Variants in USP37 observed in about 807,000 individuals in gnomAD.
The protein encoded by USP37 is ubiquitin carboxyl-terminal hydrolase 37.
Under a neutral mutation model 124.0 loss-of-function variants are expected in USP37, and 27 were observed. The ratio of observed to expected loss-of-function variants is 0.22; its 90% confidence interval spans 0.16 to 0.30. The LOEUF (loss-of-function observed/expected upper bound fraction) is 0.30, where lower values mean the gene tolerates loss of function less well. Ranked by LOEUF, USP37 falls within the 10% of genes least tolerant of loss-of-function variation. The pLI, the probability that USP37 is intolerant of heterozygous loss-of-function variation, is 1.00. For missense variants in USP37, 889 were observed against 1,140.4 expected (o/e 0.78, Z 3.17); for synonymous variants, 365 against 388.0 (o/e 0.94, Z 0.70).
intron 8 of USP37, among the ~76,000 whole-genome samples, 166 bp downstream of exon 8, chr2:218,546,055 C>G (rs1692302822): frequency 6.6e-6 from 1 of 152,162 alleles, no homozygotes; most frequent in African/African-American, 2.4e-5. Context: ...TAATTTCCCT[C>G]TCTATTGAGC....
At chr2:218,548,134 C>T (rs1184675292) in intron 6 of USP37, among the ~76,000 whole-genome samples, 2 of 152,070 alleles carry the variant, frequency 1.3e-5, no homozygotes, top group Non-Finnish European at 2.9e-5. Flanking sequence ...ATATTAGAAG[C>T]CACAGACCAA....
intron 1 of USP37, among the ~76,000 whole-genome samples, chr2:218,564,653 G>C (rs1693488262): frequency 6.6e-6 from 1 of 152,118 alleles, no homozygotes; most frequent in Non-Finnish European, 1.5e-5. Context: ...GGTGGGAGTG[G>C]GGGGTAGAGG....
Position 218,482,092 on chromosome 2 carries a change from C to A in USP37, c.1813G>T (p.Gly605Cys). The A allele has an allele frequency of 6.2e-7, 1 of 1,612,064 alleles. No individual in the cohort carries two copies. Among genetic ancestry groups the A allele is most frequent in the Non-Finnish European group, 8.5e-7 (1 of 1,178,752 alleles). Residue 605 changes from glycine (G) to cysteine (C), a missense_variant, in exon 17 of 26, where the codon GGT becomes TGT. By Grantham distance (159) the Gly-to-Cys change is radical. Coordinates refer to ENST00000258399, the MANE Select transcript of USP37 (RefSeq NM_020935.3). ...TENTKPPFTL[G>C]WSAHMAISRP... ...TACATTGCCATATGTGCACTCCAACCAAGGGTAAAAGGTGGTTTTGTATTT... is the reference window on the plus strand; with the variant it reads ...TACATTGCCATATGTGCACTCCAACAAAGGGTAAAAGGTGGTTTTGTATTT...
At chr2:218,563,459 C>A (rs537579360) in intron 1 of USP37, among the ~76,000 whole-genome samples, 1 of 152,298 alleles carries the variant, frequency 6.6e-6, no homozygotes, top group South Asian at 2.1e-4. Flanking sequence ...AACATTGTTA[C>A]ATAATAATGT....
At chr2:218,493,371 G>A (rs979479802) in intron 14 of USP37, among the ~76,000 whole-genome samples, 5 of 152,182 alleles carry the variant, frequency 3.3e-5, no homozygotes, top group Non-Finnish European at 5.9e-5. Flanking sequence ...TTATTGCATT[G>A]ATGCACATAC....
intron 22 of USP37, among the ~76,000 whole-genome samples, chr2:218,462,179 T>A (rs905484120): frequency 6.6e-6 from 1 of 150,638 alleles, no homozygotes; most frequent in African/African-American, 2.4e-5. Context: ...AAAAAAAAAT[T>A]AAAAAATTAG....
chr2:218,556,963 A>G (rs1278394504), intron 4 of USP37, among the ~76,000 whole-genome samples: 2 of 152,114 alleles, frequency 1.3e-5, no homozygotes, highest in Non-Finnish European at 2.9e-5. Flanking sequence ...CACAGGCTCA[A>G]GCCATCTTCC....
intron 11 of USP37, 73 bp from the exon 12 acceptor site, chr2:218,498,230 T>G (rs770733035): frequency 9.7e-5 from 138 of 1,424,274 alleles, no homozygotes; most frequent in Non-Finnish European, 1.2e-4. Context: ...GTAGGAGTTC[T>G]CCACTTTATG....
At chr2:218,477,085 C>A in intron 18 of USP37, 104 bp from the exon 19 acceptor site, 1 of 1,267,778 alleles carries the variant, frequency 7.9e-7, no homozygotes, top group Non-Finnish European at 1.0e-6. Context: ...CGGAAAATTA[C>A]TTAACAGAAA....
At chr2:218,520,765 A>G (rs1379161278) in intron 10 of USP37, among the ~76,000 whole-genome samples, 2 of 152,242 alleles carry the variant, frequency 1.3e-5, no homozygotes, top group Non-Finnish European at 2.9e-5. Context: ...TATAACCTTT[A>G]AGAGTGCTCT....
chr2:218,536,560 T>TA (rs1691659996), intron 8 of USP37, among the ~76,000 whole-genome samples: 1 of 152,196 alleles, frequency 6.6e-6, no homozygotes, highest in Admixed American at 6.5e-5. Flanking sequence ...CATAACAGAT[T>TA]TCTGTAATAT....
At chr2:218,461,235 C>T (rs7604542) in intron 22 of USP37, among the ~76,000 whole-genome samples, 2,522 of 151,988 alleles carry the variant, frequency 0.017, 65 homozygotes, top group African/African-American at 0.057. Flanking sequence ...AAGCCAGGCA[C>T]GGTGGCTCAC....
At chr2:218,470,340 CTTT>C (rs748172493) in intron 20 of USP37, among the ~76,000 whole-genome samples, 83 of 151,438 alleles carry the variant, frequency 5.5e-4, no homozygotes, top group Non-Finnish European at 8.0e-4. Context: ...AATCCATCAA[CTTT>C]TTTTTTCAAG....
rs1689174727 is a variant in USP37 at position 218,498,209 on chromosome 2, T to C, written c.1026-52A>G. On this transcript the variant is annotated intron_variant, in intron 11 of 25. Coordinates refer to ENST00000258399, the MANE Select transcript of USP37 (RefSeq NM_020935.3). ...GAAGGCAACAGGAATTCCTAAAGTA[T>C]GTTCAGTATAGTAGGAGTTCTCCAC... is the stretch of plus-strand genomic sequence containing the variant. The C allele has an allele frequency of 4.6e-6, 7 of 1,522,270 alleles. No individual in the cohort carries two copies. In the African/African-American group the frequency reaches 8.3e-5, roughly 18 times the overall value. The allele number at this position is 1,522,270 out of a possible 1,614,324, so 94.3% of individuals were successfully genotyped here.
At chr2:218,485,775 G>T (rs772053871) in intron 15 of USP37, 32 bp from the exon 16 acceptor site, 1 of 1,587,194 alleles carries the variant, frequency 6.3e-7, no homozygotes, top group South Asian at 1.2e-5. Flanking sequence ...AAGCATGAAG[G>T]TGAATCAGCA....
At chr2:218,470,530 C>T (rs1458450691) in intron 20 of USP37, among the ~76,000 whole-genome samples, 1 of 152,130 alleles carries the variant, frequency 6.6e-6, no homozygotes, top group Non-Finnish European at 1.5e-5. Context: ...CTTCCTAATG[C>T]CTTTGAAACA....
chr2:218,561,848 A>G (rs1206709453), intron 2 of USP37, among the ~76,000 whole-genome samples: 5 of 152,150 alleles, frequency 3.3e-5, no homozygotes, highest in African/African-American at 1.2e-4. Context: ...TATTCCCAAT[A>G]AAACCCCCAA....
chr2:218,500,534 ACCGTGCCCAG>A lies in USP37; in HGVS notation c.1026-2387_1026-2378del, dbSNP rs1241950326. 1.2e-4 allele frequency among the ~76,000 whole-genome samples: 18 copies of A among 152,206 alleles called. No homozygotes were observed. In the East Asian group the frequency reaches 3.5e-3, roughly 29 times the overall value. On this transcript the variant is annotated intron_variant, in intron 11 of 25. Transcript: ENST00000258399. ...AGTGTTGGGATTACAGGCATGAGCCACCGTGCCCAGCCTGTATTTTTAATAGAGACGGCGT... is the reference window on the plus strand; with the variant it reads ...AGTGTTGGGATTACAGGCATGAGCCACCTGTATTTTTAATAGAGACGGCGT...
intron 6 of USP37, among the ~76,000 whole-genome samples, chr2:218,548,269 A>G (rs970584867): frequency 6.6e-6 from 1 of 152,192 alleles, no homozygotes; most frequent in Admixed American, 6.5e-5. Flanking sequence ...ACAGTAGCAT[A>G]CTACATGTCC....
Sources: gnomAD v4.1 joint callset for allele counts (sites outside exome capture counted in the v4.1 genomes callset) on GRCh38, gnomAD v4.1.1 for gene constraint, MANE v1.5 for transcripts, NCBI Gene and HGNC (gene_info 2026-07-23, HGNC 2026-07-21) for gene names.